LRATD1: variants seen among roughly 807,000 people sequenced by gnomAD.
LRATD1 encodes the protein protein LRATD1.
LRATD1 carries 8 observed loss-of-function variants against 21.3 expected under a neutral mutation model. The ratio of observed to expected loss-of-function variants is 0.38; its 90% CI spans 0.22 to 0.68. The LOEUF is 0.68. LRATD1 is among the 30% of genes least tolerant of loss of function. The pLI, the probability that LRATD1 is intolerant of heterozygous loss-of-function variation, is 0.54. For synonymous variants in LRATD1, 210 were observed against 186.2 expected (o/e 1.13, Z -1.04); for missense variants, 380 against 404.0 (o/e 0.94, Z 0.51).
chr2:14,634,571 G>A lies in LRATD1; in HGVS notation c.592G>A (p.Gly198Ser). 2.0e-6 allele frequency: 3 copies of A among 1,491,666 alleles called. No homozygotes were observed. The highest frequency in any genetic ancestry group is 1.4e-5 in the African/African-American group (1 of 71,134). The allele number at this position is 1,491,666 out of a possible 1,614,324, so 92.4% of individuals were successfully genotyped here. Reference protein sequence around the residue: ...VAELVVQNACGHLGLKSEEIC... With the variant: ...VAELVVQNACSHLGLKSEEIC... ...CGAGCTGGTGGTGCAGAACGCCTGC[G>A]GCCACCTGGGCCTCAAGAGCGAGGA... Residue 198 changes from glycine (G) to serine (S), a missense_variant, in exon 2 of 2, where the codon GGC becomes AGC. By Grantham distance (56) the Gly-to-Ser change is moderately conservative. Coordinates refer to ENST00000295092, the MANE Select transcript of LRATD1 (RefSeq NM_145175.4).
intron 4 of LRATD1, among the ~76,000 whole-genome samples, chr2:14,646,894 C>T (rs1671905171): frequency 6.6e-6 from 1 of 152,174 alleles, no homozygotes; most frequent in Admixed American, 6.5e-5. Context: ...ATTAGTTATT[C>T]CTCATGAACC....
At chr2:14,646,922 C>T (rs1671905704) in intron 4 of LRATD1, among the ~76,000 whole-genome samples, 1 of 152,150 alleles carries the variant, frequency 6.6e-6, no homozygotes, top group South Asian at 2.1e-4. Flanking sequence ...CACTGGAGAT[C>T]AAAATAGACC....
intron 4 of LRATD1, among the ~76,000 whole-genome samples, chr2:14,646,955 T>C (rs1671906141): frequency 6.6e-6 from 1 of 152,168 alleles, no homozygotes; most frequent in African/African-American, 2.4e-5. Context: ...ACCCACTCAG[T>C]AAATAGTCTC....
rs1459530908 is a variant in LRATD1, at chr2:14,646,961, G to T, written n.436+496G>T. Among the ~76,000 whole-genome samples the T allele has an allele frequency of 2.6e-5, 4 of 152,184 alleles. No homozygotes were observed. In the East Asian group the frequency reaches 7.7e-4, roughly 29 times the overall value. The stretch of plus-strand genomic sequence containing the variant: ...ATAAATGAAACCCACTCAGTAAATA[G>T]TCTCAGAGAAAGATGGTATATGGGA... On this transcript the variant is annotated intron_variant and non_coding_transcript_variant, in intron 4 of 5. Coordinates refer to the LRATD1 transcript ENST00000464947.
Position 14,637,321 on chromosome 2 carries a change from C to T in LRATD1, c.*2463C>T, listed in dbSNP as rs1334770063. 2 of 166,962 alleles carry T rather than the reference C, an allele frequency of 1.2e-5. No homozygotes were observed. The highest frequency in any genetic ancestry group is 1.3e-4 in the Admixed American group (2 of 15,292). The allele number at this position is 166,962 out of a possible 1,614,324, so 10.3% of individuals were successfully genotyped here. A position where few individuals can be genotyped will look rare whatever the true frequency, so the allele number is the denominator to read the frequency against. On this transcript the variant is annotated 3_prime_UTR_variant, in exon 2 of 2. Transcript: ENST00000295092. ...AAGAAATGAATTAGTCTCTATCACA[C>T]CGAATACTAAGATTTATTTCCTCTG...
intron 5 of LRATD1, chr2:14,649,523 T>C (rs1298601056): frequency 5.3e-6 from 2 of 376,386 alleles, no homozygotes; most frequent in Admixed American, 6.6e-5. Context: ...CCACCCAAGC[T>C]TTCTCTTGCG....
At chr2:14,645,021 G>A (rs372584791), downstream of LRATD1, among the ~76,000 whole-genome samples, 45 of 152,316 alleles carry the variant, frequency 3.0e-4, no homozygotes, top group African/African-American at 1.0e-3. Flanking sequence ...AAAGCATATT[G>A]TGTTTAATTT....
chr2:14,634,192 C>G lies in LRATD1; in HGVS notation c.213C>G (p.His71Gln), dbSNP rs748199772. ...CCTGCCCGGAGAGCCCCAGCCGCCA[C>G]CACCACCACCTGCTGCACCAGCTGG... Reference protein sequence around the residue: ...CTPCPESPSRHHHHLLHQLVL... With the variant: ...CTPCPESPSRQHHHLLHQLVL... The change falls in exon 2 of 2, where the codon CAC becomes CAG. Residue 71 changes from histidine to glutamine, a missense_variant. By Grantham distance (24) the His-to-Gln change is conservative. Transcript: ENST00000295092. The G allele has an allele frequency of 2.5e-5, 40 of 1,613,226 alleles. No homozygotes were observed. Among genetic ancestry groups the G allele is most frequent in the Non-Finnish European group, 5.9e-6 (7 of 1,179,856 alleles).
chr2:14,634,615 G>A lies in LRATD1; in HGVS notation c.636G>A (p.Ser212=). The change falls in exon 2 of 2, where the codon TCG becomes TCA. Residue 212 remains serine (S), a synonymous_variant. Transcript: ENST00000295092. ...LKSEEICWTN[S]ESFAAWCRFG... is the part of the protein sequence containing the mutation. ...GCGAGGAGATCTGCTGGACGAACTC[G>A]GAGAGCTTCGCCGCCTGGTGCCGCT... 2 of 1,529,520 alleles carry A rather than the reference G, an allele frequency of 1.3e-6. No homozygotes were observed. Among genetic ancestry groups the A allele is most frequent in the East Asian group, 2.4e-5 (1 of 42,106 alleles). 94.7% of individuals were successfully genotyped at this position (1,529,520 alleles called of 1,614,324 possible).
At position 14,638,441 on chromosome 2, in the gene LRATD1, T is replaced by A. The variant is rs1315835205; in HGVS notation, c.*3583T>A. 1.2e-5 allele frequency: 2 copies of A among 167,006 alleles called. No homozygotes were observed. The highest frequency in any genetic ancestry group is 2.9e-5 in the Non-Finnish European group (2 of 68,074). The allele number at this position is 167,006 out of a possible 1,614,324, so 10.3% of individuals were successfully genotyped here. A position where few individuals can be genotyped will look rare whatever the true frequency, so the allele number is the denominator to read the frequency against. On this transcript the variant is annotated 3_prime_UTR_variant, in exon 2 of 2. Coordinates refer to ENST00000295092, the MANE Select transcript of LRATD1 (RefSeq NM_145175.4). ...ACCTGTTTTTTTGAAACTTTAATGT[T>A]TACCTTCCCCTATGTTTAATTTTTC...
downstream of LRATD1, among the ~76,000 whole-genome samples, chr2:14,650,993 C>T (rs1002418042): frequency 5.3e-5 from 8 of 152,202 alleles, no homozygotes; most frequent in Non-Finnish European, 8.8e-5. Flanking sequence ...ATCATTGATA[C>T]GTGAAATCTC....
rs115912907 is a variant in LRATD1 at position 14,632,873 on chromosome 2, T to G, written c.-101T>G. 3,552 of 153,162 alleles carry G rather than the reference T, an allele frequency of 0.023. 145 individuals carry two copies. The highest frequency in any genetic ancestry group is 0.077 in the African/African-American group (3,211 of 41,570). The allele number at this position is 153,162 out of a possible 1,614,324, so 9.5% of individuals were successfully genotyped here. On this transcript the variant is annotated 5_prime_UTR_variant, in exon 1 of 2. Transcript: ENST00000295092. Reference sequence around the variant, plus strand: ...GGACCCACTCGCCACCGCCGCTTCCTCAGCACCCATGGGGACCAGGAGACT... The same window carrying G: ...GGACCCACTCGCCACCGCCGCTTCCGCAGCACCCATGGGGACCAGGAGACT...
chr2:14,644,568 C>A (rs1456149008), downstream of LRATD1, among the ~76,000 whole-genome samples: 3 of 152,134 alleles, frequency 2.0e-5, no homozygotes, highest in African/African-American at 7.2e-5. Context: ...TTAGATTTAA[C>A]AATTAATTCA....
rs1484508643 is a variant in LRATD1 at position 14,635,067 on chromosome 2, G to C, written c.*209G>C. On this transcript the variant is annotated 3_prime_UTR_variant, in exon 2 of 2. Coordinates refer to ENST00000295092, the MANE Select transcript of LRATD1 (RefSeq NM_145175.4). ...ACTGCCCCAGGGCCGAAAGGGCGCC[G>C]CTGCGAGCGCCTGGCTGACAGCCAC... 1.3e-6 allele frequency: 1 copy of C among 775,528 alleles called. No individual in the cohort carries two copies. Among genetic ancestry groups the C allele is most frequent in the African/African-American group, 1.7e-5 (1 of 58,000 alleles). The allele number at this position is 775,528 out of a possible 1,614,324, so 48.0% of individuals were successfully genotyped here.
rs567132962 is a variant in LRATD1 at position 14,639,569 on chromosome 2, T to C, written c.*4711T>C. 3 of 167,220 alleles carry C rather than the reference T, an allele frequency of 1.8e-5. No individual in the cohort carries two copies. The East Asian group carries it at 5.8e-4, about 32-fold the overall frequency. 10.4% of individuals were successfully genotyped at this position (167,220 alleles called of 1,614,324 possible). A position where few individuals can be genotyped will look rare whatever the true frequency, so the allele number is the denominator to read the frequency against. ...CCTTTGAGGTTGTATGTTTACCTCA[T>C]TTGAACTCGAAATAGAAGAGGTTTA... is the stretch of plus-strand genomic sequence containing the variant. On this transcript the variant is annotated 3_prime_UTR_variant, in exon 2 of 2. Transcript: ENST00000295092.
intron 2 of LRATD1, among the ~76,000 whole-genome samples, chr2:14,645,873 C>T (rs542126778): frequency 6.6e-6 from 1 of 152,262 alleles, no homozygotes; most frequent in South Asian, 2.1e-4. Flanking sequence ...CTTACATAGT[C>T]AATTGTCCTC....
Position 14,634,399 on chromosome 2 carries a change from C to G in LRATD1, c.420C>G (p.Pro140=), listed in dbSNP as rs754975615. 1 of 1,539,172 alleles carries G rather than the reference C, an allele frequency of 6.5e-7. No individual in the cohort carries two copies. Among genetic ancestry groups the G allele is most frequent in the Non-Finnish European group, 8.7e-7 (1 of 1,146,804 alleles). The part of the protein sequence containing the change: ...WLQPAPEPPA[P]APHWAVYVGG... ...AGCCCGCGCCGGAGCCGCCCGCGCCCGCCCCGCACTGGGCCGTCTACGTGG... is the reference window on the plus strand; with the variant it reads ...AGCCCGCGCCGGAGCCGCCCGCGCCGGCCCCGCACTGGGCCGTCTACGTGG... Residue 140 remains proline, a synonymous_variant, in exon 2 of 2, where the codon CCC becomes CCG. Coordinates refer to ENST00000295092, the MANE Select transcript of LRATD1 (RefSeq NM_145175.4).
chr2:14,648,304 A>C (rs1671930806), intron 4 of LRATD1, among the ~76,000 whole-genome samples: 1 of 152,116 alleles, frequency 6.6e-6, no homozygotes, highest in African/African-American at 2.4e-5. Context: ...ATTACTGGGG[A>C]GGCCATAGAG....
In LRATD1 at chr2:14,635,057, A is replaced by C; in HGVS notation, c.*199A>C. The C allele has an allele frequency of 1.2e-6, 1 of 827,382 alleles. No individual in the cohort carries two copies. Among genetic ancestry groups the C allele is most frequent in the Non-Finnish European group, 2.0e-6 (1 of 494,052 alleles). The allele number at this position is 827,382 out of a possible 1,614,324, so 51.3% of individuals were successfully genotyped here. ...AGTCTCAGGAACTGCCCCAGGGCCG[A>C]AAGGGCGCCGCTGCGAGCGCCTGGC... On this transcript the variant is annotated 3_prime_UTR_variant, in exon 2 of 2. Transcript: ENST00000295092.
Sources: gnomAD v4.1 joint callset for allele counts (sites outside exome capture counted in the v4.1 genomes callset) on GRCh38, gnomAD v4.1.1 for gene constraint, MANE v1.5 for transcripts, NCBI Gene and HGNC (gene_info 2026-07-23, HGNC 2026-07-21) for gene names.